The following LTBP1 variants were observed in gnomAD, a reference collection of about 807,000 sequenced individuals.
The protein encoded by LTBP1 is latent transforming growth factor beta binding protein 1.
A neutral mutation model predicts 207.6 loss-of-function variants in LTBP1; 129 were observed. That is an observed-to-expected ratio of 0.62 (90% confidence interval 0.54 to 0.72). LTBP1 has a LOEUF of 0.72. Ranked by LOEUF, LTBP1 falls within the 30% of genes least tolerant of loss-of-function variation. The pLI is 0.00. For missense variants in LTBP1, 2,281 were observed against 2,217.2 expected, an observed-to-expected ratio of 1.03 and a Z score of -0.58; for synonymous variants, 963 against 833.7, an observed-to-expected ratio of 1.16 and a Z score of -2.67.
At chr2:32,959,292 A>G (rs1678603464) in intron 2 of LTBP1, among the ~76,000 whole-genome samples, 1 of 152,070 alleles carries the variant, frequency 6.6e-6, no homozygotes, top group South Asian at 2.1e-4. Flanking sequence ...TTTAGAGGTG[A>G]AAACCGAGTG....
At chr2:33,380,733 G>A (rs998866959) in intron 31 of LTBP1, among the ~76,000 whole-genome samples, 4 of 151,878 alleles carry the variant, frequency 2.6e-5, no homozygotes, top group African/African-American at 9.7e-5. Context: ...TGTTTCTCTT[G>A]ACTTTTTAAA....
chr2:32,947,791 A>T lies in LTBP1; in HGVS notation c.467A>T (p.Gln156Leu). 1 of 1,479,258 alleles carries T rather than the reference A, an allele frequency of 6.8e-7. No individual in the cohort carries two copies. The highest frequency in any genetic ancestry group is 9.0e-7 in the Non-Finnish European group (1 of 1,110,818). 91.6% of individuals were successfully genotyped at this position (1,479,258 alleles called of 1,614,324 possible). The change falls in exon 1 of 34, where the codon CAG becomes CTG. Residue 156 changes from glutamine to leucine, a missense_variant. By Grantham distance (113) the Gln-to-Leu change is moderately radical. This residue lies in a region of LTBP1 where 555 missense variants were observed against 491.0 expected (regional missense o/e 1.13). Coordinates refer to ENST00000404816, the MANE Select transcript of LTBP1 (RefSeq NM_206943.4). ...ETQSGGGSRL[Q>L]VHQKQQLQGV... ...CAGAGCGGCGGAGGCTCTAGGCTGC[A>T]GGTTCACCAGAAGCAGCAGCTGCAG...
chr2:33,313,929 T>C (rs766552461), intron 23 of LTBP1, among the ~76,000 whole-genome samples: 28 of 152,174 alleles, frequency 1.8e-4, no homozygotes, highest in Admixed American at 7.2e-4. Flanking sequence ...GGTGAAACTT[T>C]CTCTAGGCGC....
At chr2:33,073,550 T>A (rs1048363465) in intron 3 of LTBP1, among the ~76,000 whole-genome samples, 1 of 152,204 alleles carries the variant, frequency 6.6e-6, no homozygotes, top group African/African-American at 2.4e-5. Context: ...TTCTTCCCTT[T>A]TTAACTGGTT....
chr2:33,093,310 C>T (rs2079205027), intron 3 of LTBP1, among the ~76,000 whole-genome samples: 1 of 152,188 alleles, frequency 6.6e-6, no homozygotes, highest in Middle Eastern at 3.4e-3. Flanking sequence ...CCCTCTTTCC[C>T]CTCCATATTG....
intron 4 of LTBP1, among the ~76,000 whole-genome samples, chr2:33,125,637 C>T (rs993071553): frequency 6.6e-6 from 1 of 151,922 alleles, no homozygotes; most frequent in African/African-American, 2.4e-5. Flanking sequence ...TCGAGACCAG[C>T]CTGGCCAATG....
intron 8 of LTBP1, among the ~76,000 whole-genome samples, chr2:33,221,492 A>G (rs1415832150): frequency 2.0e-5 from 3 of 152,212 alleles, no homozygotes; most frequent in Non-Finnish European, 4.4e-5. Flanking sequence ...TATTGTTTGC[A>G]TATTCTGAGT....
chr2:33,354,907 G>C (rs776320630), intron 26 of LTBP1, among the ~76,000 whole-genome samples: 3 of 152,040 alleles, frequency 2.0e-5, no homozygotes, highest in Non-Finnish European at 2.9e-5. Context: ...TGCACAGCTC[G>C]TTTTTAAAAT....
chr2:33,127,535 T>C (rs2081507567), intron 4 of LTBP1, among the ~76,000 whole-genome samples: 1 of 152,152 alleles, frequency 6.6e-6, no homozygotes, highest in Admixed American at 6.5e-5. Context: ...CCGTATTCCA[T>C]TCCCATGACA....
At chr2:33,267,057 G>A (rs1376380777) in intron 15 of LTBP1, among the ~76,000 whole-genome samples, 2 of 152,242 alleles carry the variant, frequency 1.3e-5, no homozygotes, top group Non-Finnish European at 2.9e-5. Flanking sequence ...GGGCAGCACT[G>A]TGTCCGCCAT....
intron 2 of LTBP1, among the ~76,000 whole-genome samples, chr2:33,009,138 G>C (rs1687327588): frequency 6.6e-6 from 1 of 152,216 alleles, no homozygotes; most frequent in Non-Finnish European, 1.5e-5. Flanking sequence ...TGGTTGCTCT[G>C]GTGAGAATAG....
intron 3 of LTBP1, among the ~76,000 whole-genome samples, chr2:33,088,560 G>A (rs566173798): frequency 2.6e-5 from 4 of 152,280 alleles, no homozygotes; most frequent in East Asian, 1.9e-4. Context: ...CATGTGTTCC[G>A]CTCTGTTTGG....
In LTBP1 at chr2:33,112,713, A is replaced by T. The variant is rs562589315; in HGVS notation, c.1033+1962A>T. Among the ~76,000 whole-genome samples, 43 of 152,310 alleles carry T rather than the reference A, an allele frequency of 2.8e-4. No individual in the cohort carries two copies. In the South Asian group the frequency reaches 8.9e-3, roughly 32 times the overall value. ...GAAGGATACTGAAATGGCAAAATGGAGTAAGAACCACAAAAGATGATTAAA... is the reference window on the plus strand; with the variant it reads ...GAAGGATACTGAAATGGCAAAATGGTGTAAGAACCACAAAAGATGATTAAA... On this transcript the variant is annotated intron_variant, in intron 4 of 33. Transcript: ENST00000404816.
chr2:33,021,172 C>A lies in LTBP1; in HGVS notation c.829C>A (p.Pro277Thr), dbSNP rs1388933049. 2 of 1,607,482 alleles carry A rather than the reference C, an allele frequency of 1.2e-6. No individual in the cohort carries two copies. Among genetic ancestry groups the A allele is most frequent in the Admixed American group, 1.7e-5 (1 of 59,624 alleles). ...GATGACCTTAACCCTCAAGCCGAAG[C>A]CTTCAGTGGGACTCCCCCAGCAGAT... ...AQMTLTLKPK[P>T]SVGLPQQIHS... is the part of the protein sequence containing the mutation. Residue 277 changes from proline (P) to threonine (T), a missense_variant, in exon 3 of 34, where the codon CCT (proline) becomes ACT (threonine). Around this residue, in one of 3 missense-constraint regions of LTBP1, gnomAD observed 555 missense variants for 491.0 expected, o/e 1.13. Coordinates refer to ENST00000404816, the MANE Select transcript of LTBP1 (RefSeq NM_206943.4).
intron 32 of LTBP1, among the ~76,000 whole-genome samples, chr2:33,393,045 T>C (rs1302957659): frequency 6.6e-6 from 1 of 151,926 alleles, no homozygotes; most frequent in Non-Finnish European, 1.5e-5. Context: ...TTTTTTTTTA[T>C]GGTACAAATT....
intron 2 of LTBP1, among the ~76,000 whole-genome samples, chr2:32,975,505 C>A (rs919197247): frequency 6.9e-6 from 1 of 144,876 alleles, no homozygotes; most frequent in African/African-American, 2.6e-5. Context: ...CTCACTCTTT[C>A]TTTCAGGGAT....
intron 3 of LTBP1, among the ~76,000 whole-genome samples, chr2:33,101,957 C>CT (rs944944256): frequency 7.9e-5 from 12 of 152,068 alleles, no homozygotes; most frequent in South Asian, 2.1e-4. Flanking sequence ...AGGATATCTG[C>CT]TTTTTTTAGC....
At chr2:33,310,774 A>T (rs2094174101) in intron 23 of LTBP1, among the ~76,000 whole-genome samples, 1 of 152,222 alleles carries the variant, frequency 6.6e-6, no homozygotes. Context: ...TCTGTATCCC[A>T]ACATTTTTAG....
chr2:33,097,347 TA>T (rs2079453796), intron 3 of LTBP1, among the ~76,000 whole-genome samples: 2 of 152,198 alleles, frequency 1.3e-5, no homozygotes, highest in African/African-American at 2.4e-5. Context: ...AGTCAATATG[TA>T]AAGTTCTAGT....
Sources: allele counts gnomAD v4.1 joint callset (sites outside exome capture counted in the v4.1 genomes callset), GRCh38; gene constraint gnomAD v4.1.1; regional missense constraint gnomAD v4.1.1; transcripts MANE v1.5; gene names NCBI Gene and HGNC (gene_info 2026-07-23, HGNC 2026-07-21).